The following WASHC2C variants were observed in gnomAD, a reference collection of about 807,000 sequenced individuals.
The protein encoded by WASHC2C is WASH complex subunit 2C.
A neutral mutation model predicts 142.2 loss-of-function variants in WASHC2C; 73 were observed. The ratio of observed to expected loss-of-function variants is 0.51; its 90% confidence interval spans 0.43 to 0.62. The LOEUF is 0.62. Among genes scored for constraint, WASHC2C ranks in the 20% least tolerant of loss-of-function variants. The probability of loss-of-function intolerance (pLI) is 0.00; values close to 1 mark genes in which losing one functional copy is unlikely to be tolerated. For missense variants in WASHC2C, 969 were observed against 1,531.7 expected, an observed-to-expected ratio of 0.63 and a Z score of 6.13; for synonymous variants, 337 against 565.5, an observed-to-expected ratio of 0.60 and a Z score of 5.73.
At chr10:45,728,570 C>T (rs1157125780) in intron 2 of WASHC2C, among the ~76,000 whole-genome samples, 2 of 151,636 alleles carry the variant, frequency 1.3e-5, no homozygotes, top group East Asian at 3.9e-4. Flanking sequence ...AACCCCGTCT[C>T]TACTAAAAAT....
In WASHC2C at chr10:45,777,334, C is replaced by A. The variant is rs1554886731; in HGVS notation, c.2204C>A (p.Ala735Glu). Residue 735 changes from alanine to glutamate, a missense_variant, in exon 22 of 31, where the codon GCA becomes GAA. Transcript: ENST00000623400. ...LLFSDEEEKE[A>E]QLGVKSVDKK... ...TTCAGCGATGAAGAAGAGAAGGAGG[C>A]ACAACTTGGAGTGAAGTCTGTGGAT... 7 of 1,606,504 alleles carry A rather than the reference C, an allele frequency of 4.4e-6. No homozygotes were observed. Among genetic ancestry groups the A allele is most frequent in the Non-Finnish European group, 6.0e-6 (7 of 1,175,902 alleles).
At chr10:45,743,347 T>G (rs368791189) in intron 5 of WASHC2C, 43 bp from the exon 6 acceptor site, 17 of 1,611,702 alleles carry the variant, frequency 1.1e-5, no homozygotes, top group Admixed American at 3.3e-5. Context: ...AAGTTTGTTT[T>G]CAACTGAAAT....
intron 29 of WASHC2C, 147 bp downstream of exon 29, chr10:45,789,638 T>C (rs2058276836): frequency 6.8e-7 from 1 of 1,463,650 alleles, no homozygotes; most frequent in African/African-American, 1.4e-5. Flanking sequence ...CTTTTATTAA[T>C]AAGTCTAACA....
intron 19 of WASHC2C, among the ~76,000 whole-genome samples, chr10:45,767,986 GC>G: frequency 7.5e-6 from 1 of 132,588 alleles, no homozygotes; most frequent in Non-Finnish European, 1.6e-5. Flanking sequence ...ACTCTGGGAG[GC>G]CAAGGAGGTG....
chr10:45,777,445 T>C lies in WASHC2C; in HGVS notation c.2295+20T>C. 6.2e-7 allele frequency: 1 copy of C among 1,610,924 alleles called. No homozygotes were observed. Among genetic ancestry groups the C allele is most frequent in the Non-Finnish European group, 8.5e-7 (1 of 1,178,482 alleles). Reference sequence around the variant, plus strand: ...GAAAAGGTGGACTTTTTTTCTTGTATACTTGAATGCATTTGTCTCTCGTAT... The same window carrying C: ...GAAAAGGTGGACTTTTTTTCTTGTACACTTGAATGCATTTGTCTCTCGTAT... On this transcript the variant is annotated intron_variant, in intron 22 of 30. Coordinates refer to ENST00000623400, the MANE Select transcript of WASHC2C (RefSeq NM_001330074.2).
intron 3 of WASHC2C, among the ~76,000 whole-genome samples, chr10:45,734,993 G>A (rs2051045778): frequency 2.0e-5 from 3 of 152,072 alleles, no homozygotes; most frequent in Admixed American, 2.0e-4. Flanking sequence ...ATGTATGAAT[G>A]TTTGTGTGTG....
At chr10:45,760,866 T>G (rs185240661) in intron 17 of WASHC2C, among the ~76,000 whole-genome samples, 2 of 150,532 alleles carry the variant, frequency 1.3e-5, no homozygotes, top group South Asian at 4.2e-4. Context: ...GTACGTGCCA[T>G]GAGGGCAGGA....
rs782642637 is a variant in WASHC2C at position 45,765,785 on chromosome 10, C to T, written c.1844C>T (p.Ala615Val). The T allele has an allele frequency of 1.9e-6, 3 of 1,611,950 alleles. No homozygotes were observed. Among genetic ancestry groups the T allele is most frequent in the Non-Finnish European group, 2.5e-6 (3 of 1,179,840 alleles). ...GAGCTCTCCAAAAAGAAAGCATCTG[C>T]CCTGTTGTTCAGCAGTGATGAGGAG... ...ASELSKKKAS[A>V]LLFSSDEEDQ... Residue 615 changes from alanine (A) to valine (V), a missense_variant, in exon 19 of 31, where the codon GCC (alanine) becomes GTC (valine). Physicochemically the swap from Ala to Val is moderately conservative, Grantham distance 64. Transcript: ENST00000623400.
chr10:45,767,429 A>G (rs1444850795), intron 19 of WASHC2C, among the ~76,000 whole-genome samples: 3 of 152,198 alleles, frequency 2.0e-5, no homozygotes, highest in African/African-American at 7.2e-5. Context: ...AGCATATATA[A>G]TTTGTGTTTT....
In WASHC2C at chr10:45,781,083, C is replaced by G. The variant is rs1554887887; in HGVS notation, c.2478+1948C>G. On this transcript the variant is annotated intron_variant, in intron 23 of 30. Transcript: ENST00000623400. ...AGTAGTAACTTTCATAAGCAATTAC[C>G]AGCTTATGAATGAAATTAAGAAATC... Among the ~76,000 whole-genome samples the G allele has an allele frequency of 4.6e-5, 7 of 151,560 alleles. No individual in the cohort carries two copies. The South Asian group carries it at 1.5e-3, about 32-fold the overall frequency.
intron 8 of WASHC2C, among the ~76,000 whole-genome samples, chr10:45,749,834 A>AAAAAAAAAAAATAT (rs2053327137): frequency 1.6e-5 from 1 of 62,846 alleles, no homozygotes. Context: ...TCAAAAAAAA[A>AAAAAAAAAAAATAT]AAATATATAT....
intron 7 of WASHC2C, among the ~76,000 whole-genome samples, chr10:45,745,485 A>G (rs1348755495): frequency 2.6e-5 from 4 of 151,694 alleles, no homozygotes; most frequent in Non-Finnish European, 5.9e-5. Context: ...GTCCTCGAGT[A>G]TGGGATTTCC....
At chr10:45,768,282 C>G (rs1273486380) in intron 19 of WASHC2C, among the ~76,000 whole-genome samples, 1 of 148,912 alleles carries the variant, frequency 6.7e-6, no homozygotes, top group Non-Finnish European at 1.5e-5. Context: ...CGAGTGCTGA[C>G]AGTGGATCCC....
intron 14 of WASHC2C, 92 bp downstream of exon 14, chr10:45,754,637 A>G (rs2134755977): frequency 8.1e-7 from 1 of 1,239,614 alleles, no homozygotes; most frequent in African/African-American, 1.5e-5. Flanking sequence ...GCTGGAGATG[A>G]GGAAGTACCT....
chr10:45,747,621 C>T (rs1213509021), intron 8 of WASHC2C, among the ~76,000 whole-genome samples: 1 of 150,710 alleles, frequency 6.6e-6, no homozygotes, highest in Non-Finnish European at 1.5e-5. Context: ...GACAGAGTCT[C>T]GCTCTGTTGC....
intron 15 of WASHC2C, 47 bp downstream of exon 15, chr10:45,755,162 T>A (rs368378315): frequency 6.6e-7 from 1 of 1,521,930 alleles, no homozygotes; most frequent in Admixed American, 2.0e-5. Flanking sequence ...AGAAAAAGAA[T>A]GTTGCCTAAA....
chr10:45,780,971 C>T (rs1350585598), intron 23 of WASHC2C, among the ~76,000 whole-genome samples: 1 of 151,426 alleles, frequency 6.6e-6, no homozygotes, highest in Admixed American at 6.6e-5. Flanking sequence ...CCACGCTGAC[C>T]TTGAACTCTT....
intron 6 of WASHC2C, among the ~76,000 whole-genome samples, chr10:45,744,259 A>G (rs2052518898): frequency 6.8e-6 from 1 of 147,214 alleles, no homozygotes; most frequent in Non-Finnish European, 1.5e-5. Flanking sequence ...GGGTTTTACC[A>G]TGTTGGGCAG....
chr10:45,779,174 G>T, intron 23 of WASHC2C, 39 bp downstream of exon 23: 1 of 1,611,700 alleles, frequency 6.2e-7, no homozygotes, highest in East Asian at 2.2e-5. Flanking sequence ...CTCTGGATGA[G>T]ATAAAAGACT....
Sources: gnomAD v4.1 joint callset for allele counts (sites outside exome capture counted in the v4.1 genomes callset) on GRCh38, gnomAD v4.1.1 for gene constraint, MANE v1.5 for transcripts, NCBI Gene and HGNC (gene_info 2026-07-23, HGNC 2026-07-21) for gene names.